MID1: variants seen among roughly 807,000 people sequenced by gnomAD.
MID1 encodes midline 1.
MID1 carries 7 observed loss-of-function variants against 40.4 expected under a neutral mutation model. The ratio of observed to expected loss-of-function variants is 0.17; its 90% CI spans 0.10 to 0.33. The LOEUF (loss-of-function observed/expected upper bound fraction) is 0.33. Among genes scored for constraint, MID1 ranks in the 10% least tolerant of loss-of-function variants. The pLI is 1.00. For missense variants in MID1, 367 were observed against 558.5 expected (o/e 0.66, Z 3.46); for synonymous variants, 229 against 221.2 (o/e 1.04, Z -0.31).
At chrX:10,781,649 C>T (rs1280597008) in intron 1 of MID1, among the ~76,000 whole-genome samples, 2 of 111,855 alleles carry the variant, frequency 1.8e-5, no homozygotes, top group Non-Finnish European at 3.8e-5. Flanking sequence ...TAATGACTTC[C>T]ATCACTACAC....
intron 1 of MID1, among the ~76,000 whole-genome samples, chrX:10,752,557 T>A (rs891094896): frequency 3.6e-5 from 4 of 111,547 alleles, no homozygotes; most frequent in African/African-American, 9.8e-5. Flanking sequence ...ATCTGGTAGA[T>A]AGCCCCAAAT....
chrX:10,656,127 A>G (rs2042870467), intron 1 of MID1, among the ~76,000 whole-genome samples: 1 of 112,379 alleles, frequency 8.9e-6, no homozygotes, highest in East Asian at 2.8e-4. Flanking sequence ...TGCCATTTGC[A>G]ATCAAAAGAA....
intron 4 of MID1, among the ~76,000 whole-genome samples, chrX:10,482,880 G>A (rs1930416524): frequency 8.9e-6 from 1 of 112,043 alleles, no homozygotes; most frequent in Admixed American, 9.4e-5. Flanking sequence ...CCTGTTGATG[G>A]GAAAAAAAGG....
chrX:10,551,660 A>G (rs1933914445), intron 2 of MID1, among the ~76,000 whole-genome samples: 1 of 112,471 alleles, frequency 8.9e-6, no homozygotes, highest in Non-Finnish European at 1.9e-5. Flanking sequence ...GTAGCTTTTC[A>G]GAATGCTCTT....
At chrX:10,692,359 G>C (rs1329966928) in intron 1 of MID1, among the ~76,000 whole-genome samples, 1 of 111,281 alleles carries the variant, frequency 9.0e-6, no homozygotes, top group Non-Finnish European at 1.9e-5. Flanking sequence ...CCAACACTTA[G>C]GGAAAATAGA....
chrX:10,679,121 A>C (rs139446540), intron 1 of MID1, among the ~76,000 whole-genome samples: 213 of 112,326 alleles, frequency 1.9e-3, no homozygotes, highest in African/African-American at 6.7e-3. Flanking sequence ...GCAGCAGTAG[A>C]TTGACTAATC....
intron 1 of MID1, among the ~76,000 whole-genome samples, chrX:10,744,735 C>A (rs764563469): frequency 9.0e-6 from 1 of 111,223 alleles, no homozygotes; most frequent in Non-Finnish European, 1.9e-5. Flanking sequence ...CCACCTCTCC[C>A]TGTCTACTAG....
At chrX:10,516,063 T>C (rs1932382669) in intron 3 of MID1, among the ~76,000 whole-genome samples, 1 of 111,776 alleles carries the variant, frequency 8.9e-6, no homozygotes, top group African/African-American at 3.2e-5. Context: ...ACTTGTCTAG[T>C]GTAACTACAA....
At chrX:10,591,058 TTAAAA>T in intron 1 of MID1, among the ~76,000 whole-genome samples, 1 of 111,731 alleles carries the variant, frequency 9.0e-6, no homozygotes, top group Non-Finnish European at 1.9e-5. Context: ...AAAGGCAAAA[TTAAAA>T]TAACTCAGTA....
rs151163349 is a variant in MID1, at chrX:10,749,917, A to G, written c.-187+83637T>C. ...CCTCCAATACTGGGGATTACAATCC[A>G]ACATGAGATTTGGGCGGGGACACAT... On this transcript the variant is annotated intron_variant, in intron 1 of 10. Transcript: ENST00000380785. Among the ~76,000 whole-genome samples, 780 of 111,841 alleles carry G rather than the reference A, an allele frequency of 7.0e-3. 1 individual carries two copies. The highest frequency in any genetic ancestry group is 0.013 in the Non-Finnish European group (669 of 53,121).
chrX:10,496,136 T>C (rs1931240058), intron 3 of MID1, among the ~76,000 whole-genome samples: 1 of 112,594 alleles, frequency 8.9e-6, no homozygotes, highest in Non-Finnish European at 1.9e-5. Flanking sequence ...TAGACAAATT[T>C]TCCGTAAGCA....
intron 3 of MID1, among the ~76,000 whole-genome samples, chrX:10,498,458 T>C (rs1009030010): frequency 8.9e-6 from 1 of 112,101 alleles, no homozygotes; most frequent in Non-Finnish European, 1.9e-5. Flanking sequence ...ATATTTCACA[T>C]ATCATAAAAT....
At chrX:10,786,917 G>A (rs2043889544) in intron 1 of MID1, among the ~76,000 whole-genome samples, 1 of 109,254 alleles carries the variant, frequency 9.2e-6, no homozygotes, top group Non-Finnish European at 1.9e-5. Flanking sequence ...TGTGGCACAT[G>A]TATACATATG....
rs149649046 is a variant in MID1 at position 10,667,651 on chromosome X, G to A, written c.-186-47232C>T. Reference sequence around the variant, plus strand: ...AGGGGTGTGTGGGGGGAGTCTTTTCGGAGACCTAGCATTTGTGAAGGGGGA... The same window carrying A: ...AGGGGTGTGTGGGGGGAGTCTTTTCAGAGACCTAGCATTTGTGAAGGGGGA... On this transcript the variant is annotated intron_variant, in intron 1 of 10. Coordinates refer to the MID1 transcript ENST00000380785. Among the ~76,000 whole-genome samples the A allele has an allele frequency of 2.3e-4, 26 of 111,233 alleles. No individual in the cohort carries two copies. The East Asian group carries it at 7.3e-3, about 31-fold the overall frequency.
chrX:10,741,554 T>C (rs1435980908), intron 1 of MID1, among the ~76,000 whole-genome samples: 1 of 108,831 alleles, frequency 9.2e-6, no homozygotes. Context: ...TTTCCACTTA[T>C]TAAGAACCTA....
intron 8 of MID1, among the ~76,000 whole-genome samples, chrX:10,459,380 T>A (rs1455546115): frequency 8.9e-6 from 1 of 112,207 alleles, no homozygotes; most frequent in Non-Finnish European, 1.9e-5. Flanking sequence ...CCTCCAGGAA[T>A]ATTTATTTAA....
At chrX:10,667,177 T>A (rs904480070) in intron 1 of MID1, among the ~76,000 whole-genome samples, 6 of 111,434 alleles carry the variant, frequency 5.4e-5, no homozygotes, top group Non-Finnish European at 1.9e-5. Context: ...TTACACAAAA[T>A]GTCCTCCCTG....
intron 2 of MID1, among the ~76,000 whole-genome samples, chrX:10,564,262 T>C (rs147747844): frequency 1.4e-3 from 155 of 112,214 alleles, no homozygotes; most frequent in African/African-American, 4.8e-3. Context: ...CTTGGTATGC[T>C]ATTACTTCCT....
intron 1 of MID1, among the ~76,000 whole-genome samples, chrX:10,747,999 T>G (rs1360536443): frequency 1.8e-5 from 2 of 111,202 alleles, no homozygotes; most frequent in African/African-American, 6.5e-5. Flanking sequence ...GCATGTCAAT[T>G]TTCAATCTTC....
Sources: allele counts gnomAD v4.1 joint callset (sites outside exome capture counted in the v4.1 genomes callset), GRCh38; gene constraint gnomAD v4.1.1; transcripts MANE v1.5; gene names NCBI Gene and HGNC (gene_info 2026-07-23, HGNC 2026-07-21).